NRG2: variants seen among roughly 807,000 people sequenced by gnomAD.
The protein encoded by NRG2 is neuregulin 2.
Under a neutral mutation model 73.9 loss-of-function variants are expected in NRG2, and 27 were observed. The observed-to-expected ratio is 0.37, with a 90% CI of 0.27 to 0.50. The LOEUF (loss-of-function observed/expected upper bound fraction) is 0.50, where lower values mean the gene tolerates loss of function less well. NRG2 is among the 20% of genes least tolerant of loss of function. The probability of loss-of-function intolerance (pLI) is 0.96; values close to 1 mark genes in which losing one functional copy is unlikely to be tolerated. For missense variants in NRG2, 1,126 were observed against 1,210.1 expected (o/e 0.93, Z 1.03); for synonymous variants, 532 against 541.0 (o/e 0.98, Z 0.23).
At chr5:139,990,749 G>T (rs1398709640) in intron 1 of NRG2, among the ~76,000 whole-genome samples, 2 of 152,194 alleles carry the variant, frequency 1.3e-5, no homozygotes, top group African/African-American at 4.8e-5. Context: ...GATCACTAAT[G>T]ATGTTAAACA....
intron 1 of NRG2, among the ~76,000 whole-genome samples, chr5:139,962,809 G>A (rs1292176260): frequency 6.6e-6 from 1 of 152,178 alleles, no homozygotes; most frequent in East Asian, 1.9e-4. Context: ...TAGATGCCTG[G>A]GCCTGGAGGG....
chr5:139,849,916 T>C (rs1244004147), intron 9 of NRG2, among the ~76,000 whole-genome samples: 2 of 152,194 alleles, frequency 1.3e-5, no homozygotes, highest in Non-Finnish European at 2.9e-5. Context: ...CTGAAGCCGG[T>C]CTTCCTGTTT....
Position 139,848,558 on chromosome 5 carries a change from T to G in NRG2, c.1912A>C (p.Ser638Arg). 2 of 1,543,152 alleles carry G rather than the reference T, an allele frequency of 1.3e-6. No individual in the cohort carries two copies. Among genetic ancestry groups the G allele is most frequent in the South Asian group, 1.2e-5 (1 of 84,894 alleles). ...GGCTGCTGCTCGGCCAGGCGGTAAC[T>G]GATGGGCGCCGCCGGCGGCAGCGAC... ...AVSLPPAAPISYRLAEQQPLL... is the reference protein window; with the variant it reads ...AVSLPPAAPIRYRLAEQQPLL... The change falls in exon 10 of 10, where the codon AGT becomes CGT. Residue 638 changes from serine (S) to arginine (R), a missense_variant. Physicochemically the swap from Ser to Arg is moderately radical, Grantham distance 110 (BLOSUM62 -1). Coordinates refer to ENST00000361474, the MANE Select transcript of NRG2 (RefSeq NM_004883.3).
At position 139,999,962 on chromosome 5, in the gene NRG2, G is replaced by A. The variant is rs191243223; in HGVS notation, c.700+42408C>T. Among the ~76,000 whole-genome samples, 14 of 152,278 alleles carry A rather than the reference G, an allele frequency of 9.2e-5. No homozygotes were observed. In the East Asian group the frequency reaches 9.6e-4, roughly 10 times the overall value. ...CATCAAACTATTAGCCAGAGCTCTCGCTAAGTGATGGGATGATGGGTTATT... is the reference window on the plus strand; with the variant it reads ...CATCAAACTATTAGCCAGAGCTCTCACTAAGTGATGGGATGATGGGTTATT... On this transcript the variant is annotated intron_variant, in intron 1 of 9. Coordinates refer to ENST00000361474, the MANE Select transcript of NRG2 (RefSeq NM_004883.3).
chr5:139,909,709 C>A (rs1353355035), intron 1 of NRG2, among the ~76,000 whole-genome samples: 3 of 152,222 alleles, frequency 2.0e-5, no homozygotes, highest in Non-Finnish European at 4.4e-5. Context: ...CCACTCCCTG[C>A]AGGACCAGAG....
At chr5:139,909,817 C>T (rs1391393414) in intron 1 of NRG2, among the ~76,000 whole-genome samples, 1 of 152,210 alleles carries the variant, frequency 6.6e-6, no homozygotes, top group Non-Finnish European at 1.5e-5. Context: ...CCAGTCAGTT[C>T]CTGAGGAGTG....
intron 1 of NRG2, among the ~76,000 whole-genome samples, chr5:139,959,810 G>A (rs188445184): frequency 8.5e-4 from 129 of 152,346 alleles, no homozygotes; most frequent in African/African-American, 2.6e-3. Context: ...ACCGCGCCCA[G>A]CCGATTTCCC....
intron 5 of NRG2, among the ~76,000 whole-genome samples, chr5:139,858,181 G>A (rs1046239143): frequency 3.3e-5 from 5 of 152,096 alleles, no homozygotes; most frequent in African/African-American, 7.2e-5. Flanking sequence ...CCTTCCTTTT[G>A]GATCTCATCT....
intron 3 of NRG2, among the ~76,000 whole-genome samples, chr5:139,872,868 G>A (rs1762951386): frequency 6.6e-6 from 1 of 152,222 alleles, no homozygotes; most frequent in African/African-American, 2.4e-5. Flanking sequence ...GGACTGGACA[G>A]CCAGAAGCAG....
chr5:139,937,616 T>A (rs1752942067), intron 1 of NRG2, among the ~76,000 whole-genome samples: 1 of 152,228 alleles, frequency 6.6e-6, no homozygotes, highest in Non-Finnish European at 1.5e-5. Flanking sequence ...GTAGGATATA[T>A]GGTCATTATA....
At chr5:139,863,832 A>G (rs1762304233) in intron 5 of NRG2, among the ~76,000 whole-genome samples, 1 of 152,176 alleles carries the variant, frequency 6.6e-6, no homozygotes, top group South Asian at 2.1e-4. Flanking sequence ...CTATTAAGAT[A>G]GTTGACCATC....
chr5:139,896,620 C>G (rs893686095), intron 1 of NRG2, among the ~76,000 whole-genome samples: 1 of 152,218 alleles, frequency 6.6e-6, no homozygotes, highest in African/African-American at 2.4e-5. Flanking sequence ...TCTCCATCTT[C>G]TCTTCCAAGA....
intron 3 of NRG2, among the ~76,000 whole-genome samples, chr5:139,878,278 T>C (rs1011944256): frequency 6.6e-6 from 1 of 152,248 alleles, no homozygotes. Context: ...CAGGCAAAGA[T>C]GGCCCCACCC....
At chr5:139,929,492 A>G (rs1380427951) in intron 1 of NRG2, among the ~76,000 whole-genome samples, 1 of 152,184 alleles carries the variant, frequency 6.6e-6, no homozygotes, top group Non-Finnish European at 1.5e-5. Flanking sequence ...TTATCAGATG[A>G]ATGAAAATAT....
intron 1 of NRG2, among the ~76,000 whole-genome samples, chr5:139,947,858 A>T (rs1377458529): frequency 6.6e-6 from 1 of 152,154 alleles, no homozygotes; most frequent in Non-Finnish European, 1.5e-5. Context: ...TCCTCTGGAG[A>T]AGTGCCTGTT....
chr5:139,983,008 T>G lies in NRG2; in HGVS notation c.700+59362A>C, dbSNP rs188431379. On this transcript the variant is annotated intron_variant, in intron 1 of 9. Coordinates refer to ENST00000361474, the MANE Select transcript of NRG2 (RefSeq NM_004883.3). Reference sequence around the variant, plus strand: ...AGGCCAGGCCCTGATGTCTGGGGGATTAACCTCTCTGACAGCTCAGGACCA... The same window carrying G: ...AGGCCAGGCCCTGATGTCTGGGGGAGTAACCTCTCTGACAGCTCAGGACCA... Among the ~76,000 whole-genome samples the G allele has an allele frequency of 8.3e-4, 127 of 152,330 alleles. 1 individual carries two copies. The highest frequency in any genetic ancestry group is 3.0e-3 in the African/African-American group (125 of 41,572).
intron 1 of NRG2, among the ~76,000 whole-genome samples, chr5:139,950,168 G>A (rs1052678469): frequency 2.6e-5 from 4 of 152,168 alleles, no homozygotes; most frequent in Admixed American, 1.3e-4. Flanking sequence ...TTTCTTCTTC[G>A]TTCCTCAGAA....
intron 1 of NRG2, among the ~76,000 whole-genome samples, chr5:140,014,911 T>C (rs914993859): frequency 6.6e-6 from 1 of 152,238 alleles, no homozygotes; most frequent in Non-Finnish European, 1.5e-5. Flanking sequence ...ACTGCTGCTC[T>C]AAACTCCGCT....
At chr5:139,989,739 G>T (rs1470368909) in intron 1 of NRG2, among the ~76,000 whole-genome samples, 5 of 150,224 alleles carry the variant, frequency 3.3e-5, no homozygotes, top group Non-Finnish European at 7.4e-5. Flanking sequence ...GATGGGCATT[G>T]AAGATTTTTT....
Sources: gnomAD v4.1 joint callset for allele counts (sites outside exome capture counted in the v4.1 genomes callset) on GRCh38, gnomAD v4.1.1 for gene constraint, MANE v1.5 for transcripts, NCBI Gene and HGNC (gene_info 2026-07-23, HGNC 2026-07-21) for gene names.